The following RPTOR variants were observed in gnomAD, a reference collection of about 807,000 sequenced individuals.
RPTOR encodes regulatory associated protein of MTOR complex 1, also known as regulatory-associated protein of mTOR.
RPTOR carries 21 observed loss-of-function variants against 169.9 expected under a neutral mutation model. That is an observed-to-expected ratio of 0.12 (90% CI 0.09 to 0.18). RPTOR has a LOEUF of 0.18. RPTOR is among the 10% of genes least tolerant of loss of function. The pLI is 1.00. For synonymous variants in RPTOR, 732 were observed against 753.2 expected (o/e 0.97, Z 0.46); for missense variants, 1,133 against 1,855.9 (o/e 0.61, Z 7.16).
chr17:80,667,474 GCT>G lies in RPTOR; in HGVS notation c.348+23667_348+23668del, dbSNP rs1168264434. ...CTTGCTGACAAGTGCATCGTGAGGT[GCT>G]CTTTTTTCTACTCATCCCACTTTCG... On this transcript the variant is annotated intron_variant, in intron 3 of 33. Transcript: ENST00000306801. 3.3e-5 allele frequency among the ~76,000 whole-genome samples: 5 copies of G among 152,178 alleles called. No homozygotes were observed. In the East Asian group the frequency reaches 9.6e-4, roughly 29 times the overall value.
chr17:80,828,294 GA>G (rs1250746555), intron 9 of RPTOR, among the ~76,000 whole-genome samples: 1 of 152,188 alleles, frequency 6.6e-6, no homozygotes, highest in Non-Finnish European at 1.5e-5. Context: ...GAGGTCTCAG[GA>G]AGGATGTGCG....
intron 3 of RPTOR, among the ~76,000 whole-genome samples, chr17:80,662,599 A>G (rs1049107153): frequency 6.6e-6 from 1 of 152,094 alleles, no homozygotes. Context: ...CAAAACTCTG[A>G]AAAACATCTC....
At chr17:80,962,841 G>T (rs1246610249) in intron 32 of RPTOR, 87 bp from the exon 33 acceptor site, 2 of 1,579,762 alleles carry the variant, frequency 1.3e-6, no homozygotes, top group African/African-American at 1.3e-5. Context: ...GGTCTAGCCG[G>T]CCTGTCCCCG....
At chr17:80,713,994 A>G (rs766321948) in intron 4 of RPTOR, among the ~76,000 whole-genome samples, 9 of 152,184 alleles carry the variant, frequency 5.9e-5, no homozygotes, top group African/African-American at 1.9e-4. Flanking sequence ...GCTGGAGTGC[A>G]GTGGCGTGAT....
chr17:80,961,582 C>T (rs1453260788), intron 31 of RPTOR, 102 bp downstream of exon 31: 5 of 1,285,070 alleles, frequency 3.9e-6, no homozygotes, highest in Non-Finnish European at 4.3e-6. Flanking sequence ...AAGGGGATGG[C>T]ATTTCGGGCA....
chr17:80,570,529 C>T (rs1455319890), intron 1 of RPTOR, among the ~76,000 whole-genome samples: 1 of 152,074 alleles, frequency 6.6e-6, no homozygotes, highest in East Asian at 1.9e-4. Flanking sequence ...GGTGCAGTCT[C>T]GGCTCACTGC....
intron 5 of RPTOR, among the ~76,000 whole-genome samples, chr17:80,742,803 TATATACAC>T: frequency 6.6e-6 from 1 of 152,106 alleles, no homozygotes; most frequent in South Asian, 2.1e-4. Context: ...TGCACACGCC[TATATACAC>T]ATATATACAT....
At position 80,918,509 on chromosome 17, in the gene RPTOR, A is replaced by ACGAGCACCC. The variant is rs1567986210; in HGVS notation, c.2521-4215_2521-4214insCGAGCACCC. Among the ~76,000 whole-genome samples the ACGAGCACCC allele has an allele frequency of 4.4e-3, 446 of 101,668 alleles. 15 individuals carry two copies. The highest frequency in any genetic ancestry group is 0.013 in the South Asian group (48 of 3,700). 66.7% of individuals were successfully genotyped at this position (101,668 alleles called of 152,430 possible). On this transcript the variant is annotated intron_variant, in intron 21 of 33. Transcript: ENST00000306801. ...GAGCACCCTCGCGGGGGTCATAGCC[A>ACGAGCACCC]TGAGCACCCTCGCGGGGGTCATAGC...
At position 80,563,214 on chromosome 17, in the gene RPTOR, GT is replaced by G. The variant is rs5822358; in HGVS notation, c.162+17434del. 4.5e-3 allele frequency among the ~76,000 whole-genome samples: 679 copies of G among 149,618 alleles called. 5 individuals are homozygous for G. The highest frequency in any genetic ancestry group is 0.019 in the South Asian group (90 of 4,728). ...CAGGCATGAATGTTTTCCCTGAAGA[GT>G]TTTTTTTTTTAATTTTTATTTTTGA... On this transcript the variant is annotated intron_variant, in intron 1 of 33. Coordinates refer to ENST00000306801, the MANE Select transcript of RPTOR (RefSeq NM_020761.3).
chr17:80,962,630 G>T, intron 32 of RPTOR, 53 bp downstream of exon 32: 1 of 1,490,034 alleles, frequency 6.7e-7, no homozygotes, highest in South Asian at 1.2e-5. Context: ...TCGGGCCTCT[G>T]TGCAAACGGG....
chr17:80,755,238 T>C (rs1334773376), intron 6 of RPTOR, among the ~76,000 whole-genome samples: 1 of 152,136 alleles, frequency 6.6e-6, no homozygotes, highest in Non-Finnish European at 1.5e-5. Flanking sequence ...CCACCAAACT[T>C]GAGGGCTACA....
intron 3 of RPTOR, among the ~76,000 whole-genome samples, chr17:80,686,302 T>C (rs1026943398): frequency 2.6e-5 from 4 of 151,152 alleles, no homozygotes; most frequent in Non-Finnish European, 5.9e-5. Flanking sequence ...TTCTCCTGCC[T>C]CAGCCTCCTG....
intron 6 of RPTOR, among the ~76,000 whole-genome samples, chr17:80,758,999 A>G (rs1321985769): frequency 1.3e-5 from 2 of 151,326 alleles, no homozygotes; most frequent in Non-Finnish European, 2.9e-5. Flanking sequence ...TCTCTCAGGC[A>G]TTTTGTTTTT....
At chr17:80,842,088 T>G (rs2067676965) in intron 10 of RPTOR, among the ~76,000 whole-genome samples, 1 of 152,144 alleles carries the variant, frequency 6.6e-6, no homozygotes, top group South Asian at 2.1e-4. Context: ...CATTGCAAGG[T>G]GGACACCATT....
intron 1 of RPTOR, among the ~76,000 whole-genome samples, chr17:80,564,071 T>G (rs1030986312): frequency 6.6e-6 from 1 of 151,936 alleles, no homozygotes; most frequent in East Asian, 1.9e-4. Context: ...CTTTTCTTTT[T>G]TTTTTTTTGG....
intron 2 of RPTOR, among the ~76,000 whole-genome samples, chr17:80,632,420 A>G (rs1332948033): frequency 6.6e-6 from 1 of 152,184 alleles, no homozygotes; most frequent in Admixed American, 6.5e-5. Context: ...AGCTTTTATC[A>G]GAGCTCACCG....
chr17:80,655,751 A>G (rs896111079), intron 3 of RPTOR, among the ~76,000 whole-genome samples: 1 of 152,062 alleles, frequency 6.6e-6, no homozygotes, highest in South Asian at 2.1e-4. Flanking sequence ...AAATACGTCA[A>G]ATTTAAAATG....
intron 7 of RPTOR, among the ~76,000 whole-genome samples, chr17:80,798,901 C>G (rs1366391482): frequency 3.3e-5 from 5 of 152,202 alleles, no homozygotes; most frequent in Non-Finnish European, 7.3e-5. Context: ...CCCCGTGTCC[C>G]TACACACCAT....
chr17:80,916,076 A>T (rs1290533187), intron 21 of RPTOR, among the ~76,000 whole-genome samples: 1 of 152,188 alleles, frequency 6.6e-6, no homozygotes, highest in Non-Finnish European at 1.5e-5. Context: ...TCCTGGATGC[A>T]GGACAAGAAC....
Sources: allele counts gnomAD v4.1 joint callset (sites outside exome capture counted in the v4.1 genomes callset), GRCh38; gene constraint gnomAD v4.1.1; transcripts MANE v1.5; gene names NCBI Gene and HGNC (gene_info 2026-07-23, HGNC 2026-07-21).